CDH22: variants seen among roughly 807,000 people sequenced by gnomAD.
The protein encoded by CDH22 is cadherin-22.
Under a neutral mutation model 58.4 loss-of-function variants are expected in CDH22, and 30 were observed. The ratio of observed to expected loss-of-function variants is 0.51; its 90% CI spans 0.38 to 0.70. The LOEUF (loss-of-function observed/expected upper bound fraction) is 0.70, where lower values mean the gene tolerates loss of function less well. Among genes scored for constraint, CDH22 ranks in the 30% least tolerant of loss-of-function variants. The pLI is 0.00. For synonymous variants in CDH22, 513 were observed against 558.2 expected (o/e 0.92, Z 1.14); for missense variants, 1,014 against 1,233.9 (o/e 0.82, Z 2.67).
At chr20:46,303,170 A>G (rs6032757) in intron 1 of CDH22, among the ~76,000 whole-genome samples, 14,282 of 151,570 alleles carry the variant, frequency 0.094, 1,864 homozygotes, top group African/African-American at 0.3. Context: ...CATGACTCCC[A>G]CTCCCTGAAC....
At chr20:46,222,819 G>A (rs1362480800) in intron 4 of CDH22, among the ~76,000 whole-genome samples, 1 of 152,266 alleles carries the variant, frequency 6.6e-6, no homozygotes, top group Non-Finnish European at 1.5e-5. Context: ...TGGCATTGGG[G>A]CCTCGCGGCG....
At chr20:46,274,896 T>C (rs2086509931) in intron 1 of CDH22, among the ~76,000 whole-genome samples, 1 of 151,394 alleles carries the variant, frequency 6.6e-6, no homozygotes, top group Admixed American at 6.6e-5. Flanking sequence ...AATAGGCAAC[T>C]CTATAGAGAC....
At chr20:46,183,017 C>G (rs1314086856) in intron 10 of CDH22, among the ~76,000 whole-genome samples, 2 of 149,998 alleles carry the variant, frequency 1.3e-5, no homozygotes, top group East Asian at 1.9e-4. Flanking sequence ...GGTGCCCCCC[C>G]CTCTCCCCCA....
At chr20:46,209,064 G>A (rs1331803811) in intron 7 of CDH22, among the ~76,000 whole-genome samples, 2 of 152,230 alleles carry the variant, frequency 1.3e-5, no homozygotes, top group South Asian at 2.1e-4. Context: ...AAAGCAGGTA[G>A]CATGTCAGAT....
chr20:46,305,368 G>A (rs1241557424), intron 1 of CDH22, among the ~76,000 whole-genome samples: 3 of 152,210 alleles, frequency 2.0e-5, no homozygotes, highest in Non-Finnish European at 4.4e-5. Context: ...TGAGGAACCC[G>A]GGGTGGAGGG....
intron 3 of CDH22, among the ~76,000 whole-genome samples, chr20:46,237,610 C>T (rs1442035733): frequency 6.6e-6 from 1 of 152,208 alleles, no homozygotes; most frequent in East Asian, 1.9e-4. Context: ...CCTTCCCCCT[C>T]CTTGGTTCCC....
intron 5 of CDH22, among the ~76,000 whole-genome samples, chr20:46,215,837 G>A (rs892607645): frequency 6.6e-6 from 1 of 152,198 alleles, no homozygotes; most frequent in African/African-American, 2.4e-5. Context: ...CATGCCACCC[G>A]TCTGCATGGG....
chr20:46,204,938 T>C (rs1294358842), intron 7 of CDH22, among the ~76,000 whole-genome samples: 2 of 152,112 alleles, frequency 1.3e-5, no homozygotes, highest in Non-Finnish European at 2.9e-5. Context: ...GGCTTTCTGG[T>C]GTGCCTGTGT....
At chr20:46,270,943 C>G (rs1457699057) in intron 1 of CDH22, among the ~76,000 whole-genome samples, 1 of 152,198 alleles carries the variant, frequency 6.6e-6, no homozygotes, top group African/African-American at 2.4e-5. Flanking sequence ...TTCTGTGAAA[C>G]AGGGAACAGG....
intron 10 of CDH22, among the ~76,000 whole-genome samples, chr20:46,184,535 TATCATCCCCAAC>T (rs1439380481): frequency 1.3e-5 from 2 of 152,220 alleles, no homozygotes; most frequent in Non-Finnish European, 2.9e-5. Flanking sequence ...CCCAGCCACT[TATCATCCCCAAC>T]ATACTTTTTT....
At chr20:46,266,397 C>T (rs897252233) in intron 1 of CDH22, among the ~76,000 whole-genome samples, 1 of 152,158 alleles carries the variant, frequency 6.6e-6, no homozygotes, top group African/African-American at 2.4e-5. Flanking sequence ...GTGGAGCACC[C>T]GTCCTGTGCC....
intron 10 of CDH22, among the ~76,000 whole-genome samples, chr20:46,183,897 C>G (rs1207480995): frequency 1.3e-5 from 2 of 152,148 alleles, no homozygotes; most frequent in Non-Finnish European, 2.9e-5. Flanking sequence ...CTCTTACTCA[C>G]TCTAATCACA....
chr20:46,293,558 C>T (rs1195951451), intron 1 of CDH22, among the ~76,000 whole-genome samples: 1 of 152,166 alleles, frequency 6.6e-6, no homozygotes, highest in Non-Finnish European at 1.5e-5. Context: ...GAGGAATCCA[C>T]TCTTCCTCTG....
At chr20:46,217,131 A>G (rs1341884119) in intron 4 of CDH22, 138 bp from the exon 5 acceptor site, 4 of 725,864 alleles carry the variant, frequency 5.5e-6, no homozygotes, top group Non-Finnish European at 9.0e-6. Flanking sequence ...ACACAAGGAC[A>G]TCCACGTGTC....
intron 1 of CDH22, among the ~76,000 whole-genome samples, chr20:46,271,750 C>A (rs532157695): frequency 2.2e-4 from 34 of 152,200 alleles, no homozygotes; most frequent in African/African-American, 8.2e-4. Flanking sequence ...TTCTGTAAAT[C>A]CTTTGCAGGT....
chr20:46,213,275 G>C (rs1399550695), intron 5 of CDH22, 87 bp from the exon 6 acceptor site: 24 of 929,192 alleles, frequency 2.6e-5, no homozygotes, highest in Non-Finnish European at 3.2e-5. Flanking sequence ...AGGGGGCCCA[G>C]GTGAGCCTCT....
rs1201139176 is a variant in CDH22, at chr20:46,183,256, G to A, written c.1663+3332C>T. ...CCCCAAATCTCTCCCTGCTGCCTCAGCCTTTTCCCCAGGCAGCCTCCCAAC... is the reference window on the plus strand; with the variant it reads ...CCCCAAATCTCTCCCTGCTGCCTCAACCTTTTCCCCAGGCAGCCTCCCAAC... On this transcript the variant is annotated intron_variant, in intron 10 of 11. Coordinates refer to ENST00000537909, the MANE Select transcript of CDH22 (RefSeq NM_021248.3). 2.0e-5 allele frequency among the ~76,000 whole-genome samples: 3 copies of A among 152,128 alleles called. No homozygotes were observed. The East Asian group carries it at 5.8e-4, about 29-fold the overall frequency.
chr20:46,291,663 G>C (rs1433876249), intron 1 of CDH22, among the ~76,000 whole-genome samples: 1 of 152,250 alleles, frequency 6.6e-6, no homozygotes, highest in African/African-American at 2.4e-5. Flanking sequence ...AAGGCACAGA[G>C]AGGTGAACGA....
In CDH22 at chr20:46,251,615, T is replaced by C. The variant is rs2086377215; in HGVS notation, c.-321A>G. 1 of 214,116 alleles carries C rather than the reference T, an allele frequency of 4.7e-6. No individual in the cohort carries two copies. Among genetic ancestry groups the C allele is most frequent in the African/African-American group, 2.3e-5 (1 of 43,362 alleles). The allele number at this position is 214,116 out of a possible 1,614,324, so 13.3% of individuals were successfully genotyped here. ...CAGCTCCAGAGTCGGGGAAGCGCCA[T>C]GGTTCCTGCGCAGAAAGGATGCGGG... is the stretch of plus-strand genomic sequence containing the variant. On this transcript the variant is annotated 5_prime_UTR_variant, in exon 2 of 12. An upstream start codon of the reference 5' UTR is lost. Coordinates refer to ENST00000537909, the MANE Select transcript of CDH22 (RefSeq NM_021248.3). The surrounding 1 kb of genome is among the most constrained non-coding windows in gnomAD (Gnocchi z 6.7).
Sources: allele counts gnomAD v4.1 joint callset (sites outside exome capture counted in the v4.1 genomes callset), GRCh38; gene constraint gnomAD v4.1.1; non-coding constraint Gnocchi (gnomAD v3.1); transcripts MANE v1.5; gene names NCBI Gene and HGNC (gene_info 2026-07-23, HGNC 2026-07-21).